Variants in RBFOX1 observed in about 807,000 individuals in gnomAD.
RBFOX1 encodes RNA binding protein fox-1 homolog 1.
A neutral mutation model predicts 57.7 loss-of-function variants in RBFOX1; 8 were observed. The ratio of observed to expected loss-of-function variants is 0.14; its 90% CI spans 0.08 to 0.25. RBFOX1 has a LOEUF of 0.25. Ranked by LOEUF, RBFOX1 falls within the 10% of genes least tolerant of loss-of-function variation. The pLI is 1.00. For missense variants in RBFOX1, 611 were observed against 548.5 expected, an observed-to-expected ratio of 1.11 and a Z score of -1.14; for synonymous variants, 326 against 222.4, an observed-to-expected ratio of 1.47 and a Z score of -4.15.
intron 3 of RBFOX1, among the ~76,000 whole-genome samples, chr16:5,715,635 T>A (rs1305996012): frequency 6.6e-6 from 1 of 152,176 alleles, no homozygotes; most frequent in East Asian, 1.9e-4. Flanking sequence ...CTCCGTGCTG[T>A]CTCTTCTAGG....
intron 1 of RBFOX1, among the ~76,000 whole-genome samples, chr16:5,313,365 A>G (rs1043195798): frequency 5.3e-5 from 8 of 152,190 alleles, no homozygotes; most frequent in Admixed American, 3.9e-4. Flanking sequence ...TGTGACTCCT[A>G]GCATTAGTGC....
chr16:6,648,315 C>T (rs188421051), intron 2 of RBFOX1, among the ~76,000 whole-genome samples: 146 of 152,172 alleles, frequency 9.6e-4, no homozygotes, highest in Non-Finnish European at 1.3e-3. Flanking sequence ...CTGGACTCGG[C>T]CTCCCAAAGT....
chr16:6,987,716 C>T (rs1254785357), intron 3 of RBFOX1, among the ~76,000 whole-genome samples: 1 of 152,156 alleles, frequency 6.6e-6, no homozygotes, highest in African/African-American at 2.4e-5. Context: ...CATCCAAATA[C>T]ATGACCACAG....
At chr16:5,317,128 G>C (rs2064262593) in intron 1 of RBFOX1, among the ~76,000 whole-genome samples, 1 of 152,102 alleles carries the variant, frequency 6.6e-6, no homozygotes, top group Non-Finnish European at 1.5e-5. Flanking sequence ...CCAGCATGTA[G>C]ACAGCCTGTT....
chr16:7,254,337 C>T (rs1028436723), intron 4 of RBFOX1, among the ~76,000 whole-genome samples: 11 of 152,148 alleles, frequency 7.2e-5, no homozygotes, highest in Non-Finnish European at 1.3e-4. Context: ...AGCAGGAAGA[C>T]CAACCCTGGG....
At chr16:6,507,629 C>G (rs2096138077) in intron 2 of RBFOX1, among the ~76,000 whole-genome samples, 1 of 151,910 alleles carries the variant, frequency 6.6e-6, no homozygotes, top group Non-Finnish European at 1.5e-5. Flanking sequence ...TGTGATTGCA[C>G]CACTGCACTC....
At chr16:6,056,585 T>G (rs2095617392) in intron 1 of RBFOX1, among the ~76,000 whole-genome samples, 1 of 152,210 alleles carries the variant, frequency 6.6e-6, no homozygotes. Context: ...TCTCCTCTGC[T>G]TACTTCCTAA....
In RBFOX1 at chr16:6,935,369, A is replaced by G. The variant is rs112387055; in HGVS notation, c.-15-116688A>G. On this transcript the variant is annotated intron_variant, in intron 3 of 15. Transcript: ENST00000550418. ...TCATCTCCCTCCCCATGAATAGAAT[A>G]GAATGTAGCAGACACAATACCATGT... is the stretch of plus-strand genomic sequence containing the variant. Among the ~76,000 whole-genome samples the G allele has an allele frequency of 6.2e-3, 941 of 152,324 alleles. 15 individuals are homozygous for G. The highest frequency in any genetic ancestry group is 0.021 in the African/African-American group (887 of 41,574).
chr16:5,385,655 C>G (rs1264264965), intron 1 of RBFOX1, among the ~76,000 whole-genome samples: 1 of 152,166 alleles, frequency 6.6e-6, no homozygotes, highest in Non-Finnish European at 1.5e-5. Context: ...CTTCATCACT[C>G]CATCCCATTG....
chr16:6,415,102 G>T (rs1033323179), intron 2 of RBFOX1, among the ~76,000 whole-genome samples: 1 of 151,848 alleles, frequency 6.6e-6, no homozygotes, highest in Admixed American at 6.6e-5. Context: ...AATTAGCTGG[G>T]CGTGGTGGCA....
chr16:5,494,531 C>G (rs2042937807), intron 2 of RBFOX1, among the ~76,000 whole-genome samples: 1 of 152,126 alleles, frequency 6.6e-6, no homozygotes. Context: ...TGCTGTGGTC[C>G]AAGGATGAGG....
At chr16:6,588,229 CG>C (rs2097658595) in intron 2 of RBFOX1, among the ~76,000 whole-genome samples, 1 of 145,512 alleles carries the variant, frequency 6.9e-6, no homozygotes, top group Non-Finnish European at 1.5e-5. Flanking sequence ...GACTGTGTCT[CG>C]GGAAAAAAAA....
chr16:6,460,555 C>T (rs962654277), intron 2 of RBFOX1, among the ~76,000 whole-genome samples: 6 of 151,948 alleles, frequency 3.9e-5, no homozygotes, highest in African/African-American at 1.4e-4. Flanking sequence ...GATACCATCT[C>T]ACACCAGTCA....
chr16:6,091,830 C>CA (rs1302248686), intron 1 of RBFOX1, among the ~76,000 whole-genome samples: 1 of 151,988 alleles, frequency 6.6e-6, no homozygotes, highest in African/African-American at 2.4e-5. Context: ...GACTCTGTCT[C>CA]AAAAAAACAA....
chr16:5,955,103 A>T (rs2152280912), intron 4 of RBFOX1, among the ~76,000 whole-genome samples: 1 of 124,810 alleles, frequency 8.0e-6, no homozygotes, highest in Non-Finnish European at 1.6e-5. Context: ...CAACAGGGTG[A>T]AACTCCATCT....
At chr16:6,657,171 T>C (rs891944457) in intron 3 of RBFOX1, among the ~76,000 whole-genome samples, 1 of 150,786 alleles carries the variant, frequency 6.6e-6, no homozygotes, top group Non-Finnish European at 1.5e-5. Context: ...CTCCTTCCCT[T>C]TTTCTCTCCT....
chr16:6,448,248 C>A (rs1324018988), intron 2 of RBFOX1, among the ~76,000 whole-genome samples: 3 of 148,836 alleles, frequency 2.0e-5, no homozygotes, highest in African/African-American at 7.4e-5. Context: ...CAATCTCCCC[C>A]TCCTGGGTTC....
chr16:7,551,627 G>A (rs537594973), intron 5 of RBFOX1, among the ~76,000 whole-genome samples: 23 of 152,270 alleles, frequency 1.5e-4, no homozygotes, highest in Admixed American at 3.9e-4. Flanking sequence ...GTAATGCAGT[G>A]GAATACTGTG....
At chr16:6,325,234 C>CT (rs59342856) in intron 2 of RBFOX1, among the ~76,000 whole-genome samples, 113 of 152,146 alleles carry the variant, frequency 7.4e-4, no homozygotes, top group African/African-American at 2.6e-3. Context: ...TGGTGTGCAC[C>CT]TATGGTCCTA....
Sources: allele counts gnomAD v4.1 joint callset (sites outside exome capture counted in the v4.1 genomes callset), GRCh38; gene constraint gnomAD v4.1.1; transcripts MANE v1.5; gene names NCBI Gene and HGNC (gene_info 2026-07-23, HGNC 2026-07-21).